Variants in SLC6A18 observed in about 807,000 individuals in gnomAD.
SLC6A18 encodes the protein solute carrier family 6 member 18.
Under a neutral mutation model 62.9 loss-of-function variants are expected in SLC6A18, and 58 were observed. That is an observed-to-expected ratio of 0.92 (90% CI 0.75 to 1.15). The LOEUF is 1.15. Ranked by LOEUF, SLC6A18 falls within the 50% of genes most tolerant of loss-of-function variation. The probability of loss-of-function intolerance (pLI) is 0.00; values close to 1 mark genes in which losing one functional copy is unlikely to be tolerated. For missense variants in SLC6A18, 793 were observed against 836.6 expected, an observed-to-expected ratio of 0.95 and a Z score of 0.64; for synonymous variants, 382 against 365.8, an observed-to-expected ratio of 1.04 and a Z score of -0.51.
intron 10 of SLC6A18, 39 bp downstream of exon 10, chr5:1,244,412 C>T (rs1267179399): frequency 6.2e-7 from 1 of 1,610,388 alleles, no homozygotes; most frequent in Non-Finnish European, 8.5e-7. Context: ...CTGGGACCCA[C>T]CAGGGTGGGA....
In SLC6A18 at chr5:1,238,263, C is replaced by T. The variant is rs1005971332; in HGVS notation, c.732+203C>T. ...GAAAGAGGTCAGGTTTGGAGTGAGC[C>T]TGGGGCCTCAGGAAAGAGGTCAGGT... is the stretch of plus-strand genomic sequence containing the variant. On this transcript the variant is annotated intron_variant, in intron 5 of 11. Transcript: ENST00000324642. Among the ~76,000 whole-genome samples the T allele has an allele frequency of 5.5e-3, 304 of 55,088 alleles. 5 individuals are homozygous for T. Among genetic ancestry groups the T allele is most frequent in the Non-Finnish European group, 7.0e-3 (221 of 31,388 alleles). The allele number at this position is 55,088 out of a possible 152,430, so 36.1% of individuals were successfully genotyped here. A position where few individuals can be genotyped will look rare whatever the true frequency, so the allele number is the denominator to read the frequency against.
chr5:1,227,927 G>A (rs1746623508), intron 1 of SLC6A18, among the ~76,000 whole-genome samples: 1 of 152,186 alleles, frequency 6.6e-6, no homozygotes, highest in Admixed American at 6.5e-5. Context: ...GTGGCCCTGG[G>A]CTGGCTGTGT....
At chr5:1,226,620 AAAAG>A (rs1554035861) in intron 1 of SLC6A18, among the ~76,000 whole-genome samples, 1 of 152,214 alleles carries the variant, frequency 6.6e-6, no homozygotes, top group Non-Finnish European at 1.5e-5. Context: ...GGAAAAAACA[AAAAG>A]AAACACCCGT....
At chr5:1,230,678 A>G (rs1195708566) in intron 1 of SLC6A18, among the ~76,000 whole-genome samples, 1 of 152,168 alleles carries the variant, frequency 6.6e-6, no homozygotes, top group Non-Finnish European at 1.5e-5. Flanking sequence ...AGCTTCTAGA[A>G]GCCGGACCCT....
At chr5:1,232,570 C>G (rs79143273) in intron 2 of SLC6A18, among the ~76,000 whole-genome samples, 181 bp from the exon 3 acceptor site, 4,095 of 152,296 alleles carry the variant, frequency 0.027, 62 homozygotes, top group South Asian at 0.035. Context: ...CCAGGACATC[C>G]CGGAAGGACC....
chr5:1,227,012 C>CACCGAT (rs1449482130), intron 1 of SLC6A18, among the ~76,000 whole-genome samples: 4 of 150,314 alleles, frequency 2.7e-5, no homozygotes, highest in Non-Finnish European at 5.9e-5. Context: ...ATGCCTTGCC[C>CACCGAT]GCCGACGCGC....
At position 1,243,812 on chromosome 5, in the gene SLC6A18, C is replaced by T; in HGVS notation, c.1336+53C>T. Reference sequence around the variant, plus strand: ...GGACCCGTCCCCAGCATCTGACTGTCCACTCCCGCCCGCTGTCCAGACGCC... The same window carrying T: ...GGACCCGTCCCCAGCATCTGACTGTTCACTCCCGCCCGCTGTCCAGACGCC... On this transcript the variant is annotated intron_variant, in intron 9 of 11. Transcript: ENST00000324642. This position sits in a 1 kb window ranked among gnomAD's most constrained non-coding sequence, Gnocchi z 6.5. 1 of 1,489,754 alleles carries T rather than the reference C, an allele frequency of 6.7e-7. No individual in the cohort carries two copies. The highest frequency in any genetic ancestry group is 9.0e-7 in the Non-Finnish European group (1 of 1,108,022). 92.3% of individuals were successfully genotyped at this position (1,489,754 alleles called of 1,614,324 possible). A position where few individuals can be genotyped will look rare whatever the true frequency, so the allele number is the denominator to read the frequency against.
At chr5:1,235,770 A>G (rs1746869471) in intron 4 of SLC6A18, 108 bp downstream of exon 4, 3 of 1,135,674 alleles carry the variant, frequency 2.6e-6, no homozygotes, top group Non-Finnish European at 2.6e-6. Context: ...CGAGGGGCAT[A>G]AACATCTAGG....
Position 1,240,649 on chromosome 5 carries a change from T to C in SLC6A18, c.964T>C (p.Cys322Arg), listed in dbSNP as rs1435885047. 1.2e-6 allele frequency: 2 copies of C among 1,613,942 alleles called. No individual in the cohort carries two copies. The highest frequency in any genetic ancestry group is 2.2e-5 in the South Asian group (2 of 91,078). ...GFKATNDYEHCLDRNILSLIN... is the reference protein window; with the variant it reads ...GFKATNDYEHRLDRNILSLIN... ...CAAAGCAACTAATGACTACGAGCAC[T>C]GCCTGGACAGGTGAGCACAGGTGCC... The change falls in exon 7 of 12, where the codon TGC (cysteine) becomes CGC (arginine). Residue 322 changes from cysteine to arginine, a missense_variant. Transcript: ENST00000324642.
chr5:1,232,938 C>A, intron 3 of SLC6A18, 50 bp downstream of exon 3: 1 of 1,565,604 alleles, frequency 6.4e-7, no homozygotes, highest in South Asian at 1.2e-5. Flanking sequence ...CCGAGAGAGG[C>A]ATGTGCTGCA....
intron 3 of SLC6A18, among the ~76,000 whole-genome samples, chr5:1,234,297 G>A (rs564105502): frequency 4.6e-5 from 7 of 152,308 alleles, no homozygotes; most frequent in South Asian, 2.1e-4. Context: ...CCTCAGGGAC[G>A]AACACTGAGT....
rs910133732 is a variant in SLC6A18, at chr5:1,246,159, C to T, written c.*81C>T. On this transcript the variant is annotated 3_prime_UTR_variant, in exon 12 of 12. Coordinates refer to ENST00000324642, the MANE Select transcript of SLC6A18 (RefSeq NM_182632.3). ...GTGGGCGGGGCCCCGCCCACAGGGC[C>T]GACCCCAATACACCAGCGACTCAAC... 13 of 1,462,700 alleles carry T rather than the reference C, an allele frequency of 8.9e-6. 1 individual carries two copies. Among genetic ancestry groups the T allele is most frequent in the African/African-American group, 1.4e-5 (1 of 70,146 alleles). The allele number at this position is 1,462,700 out of a possible 1,614,324, so 90.6% of individuals were successfully genotyped here.
intron 4 of SLC6A18, 62 bp from the exon 5 acceptor site, chr5:1,237,888 C>G (rs1211000200): frequency 3.0e-6 from 4 of 1,352,362 alleles, no homozygotes; most frequent in African/African-American, 1.4e-5. Flanking sequence ...GCCTGCTTCT[C>G]TGAGGCTTGT....
chr5:1,228,668 G>A (rs971287263), intron 1 of SLC6A18, among the ~76,000 whole-genome samples: 1 of 152,212 alleles, frequency 6.6e-6, no homozygotes, highest in African/African-American at 2.4e-5. Flanking sequence ...GTTAAAACTA[G>A]GAGCTGCAGC....
At chr5:1,226,576 C>T (rs10054420) in intron 1 of SLC6A18, among the ~76,000 whole-genome samples, 42,644 of 152,060 alleles carry the variant, frequency 0.28, 6,127 homozygotes, top group East Asian at 0.34. Flanking sequence ...AAAAGATTCT[C>T]AACAGGCAGA....
intron 5 of SLC6A18, among the ~76,000 whole-genome samples, chr5:1,238,862 A>G (rs1307130236): frequency 6.6e-6 from 1 of 152,204 alleles, no homozygotes; most frequent in African/African-American, 2.4e-5. Flanking sequence ...TTGGGAAGCC[A>G]CAGGAGCCAG....
intron 3 of SLC6A18, among the ~76,000 whole-genome samples, chr5:1,233,998 C>A (rs1746818343): frequency 6.6e-6 from 1 of 152,178 alleles, no homozygotes; most frequent in African/African-American, 2.4e-5. Flanking sequence ...GCCTCGGCCT[C>A]CCAAAGTGCT....
chr5:1,243,535 C>T lies in SLC6A18; in HGVS notation c.1132-20C>T, dbSNP rs200639430. On this transcript the variant is annotated intron_variant, in intron 8 of 11. Transcript: ENST00000324642. This position sits in a 1 kb window ranked among gnomAD's most constrained non-coding sequence, Gnocchi z 6.5. The stretch of plus-strand genomic sequence containing the variant: ...GTGTGTGTGTGCGTGGCCTGAAGCC[C>T]GGGGCTCCGTGTATTGCAGAGTGCC... 170 of 1,611,066 alleles carry T rather than the reference C, an allele frequency of 1.1e-4. No homozygotes were observed. In the African/African-American group the frequency reaches 1.9e-3, roughly 18 times the overall value.
rs1252690815 is a variant in SLC6A18 at position 1,241,905 on chromosome 5, C to G, written c.975-802C>G. Among the ~76,000 whole-genome samples the G allele has an allele frequency of 1.3e-5, 2 of 152,222 alleles. No homozygotes were observed. Among genetic ancestry groups the G allele is most frequent in the African/African-American group, 4.8e-5 (2 of 41,460 alleles). Reference sequence around the variant, plus strand: ...GTGCAGCCCAAGCTGGCCTCGTGTGCCACATGGGGCTAGAAGTGAGGGGAG... The same window carrying G: ...GTGCAGCCCAAGCTGGCCTCGTGTGGCACATGGGGCTAGAAGTGAGGGGAG... On this transcript the variant is annotated intron_variant, in intron 7 of 11. Transcript: ENST00000324642. The surrounding 1 kb of genome is among the most constrained non-coding windows in gnomAD (Gnocchi z 7.8).
Sources: allele counts gnomAD v4.1 joint callset (sites outside exome capture counted in the v4.1 genomes callset), GRCh38; gene constraint gnomAD v4.1.1; non-coding constraint Gnocchi (gnomAD v3.1); transcripts MANE v1.5; gene names NCBI Gene and HGNC (gene_info 2026-07-23, HGNC 2026-07-21).